ACSF2: variants seen among roughly 807,000 people sequenced by gnomAD.
The protein encoded by ACSF2 is acyl-CoA synthetase family member 2, also known as medium-chain acyl-CoA ligase ACSF2, mitochondrial.
A neutral mutation model predicts 79.3 loss-of-function variants in ACSF2; 52 were observed. That is an observed-to-expected ratio of 0.66 (90% CI 0.53 to 0.83). The LOEUF is 0.83. ACSF2 is among the 40% of genes least tolerant of loss of function. The pLI, the probability that ACSF2 is intolerant of heterozygous loss-of-function variation, is 0.00. For missense variants in ACSF2, 661 were observed against 803.3 expected (o/e 0.82, Z 2.14); for synonymous variants, 283 against 312.6 (o/e 0.91, Z 1.00).
In ACSF2 at chr17:50,468,136, C is replaced by A. The variant is rs139473046; in HGVS notation, c.1216-2892C>A. ...GGATGCTTTTCAGGGGGTTGTGGGA[C>A]AGCTTCAGCTCCTCCACCACCCGTA... is the stretch of plus-strand genomic sequence containing the variant. On this transcript the variant is annotated intron_variant, in intron 10 of 15. Coordinates refer to ENST00000300441, the MANE Select transcript of ACSF2 (RefSeq NM_025149.6). 33 of 1,614,004 alleles carry A rather than the reference C, an allele frequency of 2.0e-5. No individual in the cohort carries two copies. The Admixed American group carries it at 5.2e-4, about 25-fold the overall frequency.
chr17:50,465,419 G>A, intron 10 of ACSF2: 1 of 1,614,044 alleles, frequency 6.2e-7, no homozygotes, highest in Non-Finnish European at 8.5e-7. Flanking sequence ...ATCTGGGCGG[G>A]AGGCCTTGGC....
At chr17:50,468,889 G>T in intron 10 of ACSF2, 1 of 1,434,900 alleles carries the variant, frequency 7.0e-7, no homozygotes, top group Non-Finnish European at 9.1e-7. Flanking sequence ...CTAGGCGCTC[G>T]GGTCTGCCGC....
chr17:50,438,516 T>A (rs2030616344), intron 1 of ACSF2, among the ~76,000 whole-genome samples: 1 of 152,186 alleles, frequency 6.6e-6, no homozygotes, highest in Non-Finnish European at 1.5e-5. Flanking sequence ...CTGGGCTCAG[T>A]GGCAGTTTGC....
intron 1 of ACSF2, among the ~76,000 whole-genome samples, chr17:50,458,076 C>G (rs930419138): frequency 7.2e-5 from 11 of 152,170 alleles, no homozygotes; most frequent in African/African-American, 2.4e-4. Context: ...GAAAAACTGT[C>G]ACTTGGAGGA....
chr17:50,432,559 C>T (rs1000609863), intron 1 of ACSF2, among the ~76,000 whole-genome samples: 2 of 152,200 alleles, frequency 1.3e-5, no homozygotes, highest in South Asian at 4.1e-4. Context: ...GGCCAACATG[C>T]AGGCTGTAAT....
chr17:50,426,494 G>T (rs908648097), intron 1 of ACSF2, 105 bp downstream of exon 1: 5 of 1,245,662 alleles, frequency 4.0e-6, no homozygotes, highest in East Asian at 6.2e-5. Flanking sequence ...GAGTGCACTG[G>T]GGGGAAGGTA....
intron 10 of ACSF2, chr17:50,469,072 TG>T: frequency 8.0e-7 from 1 of 1,245,518 alleles, no homozygotes; most frequent in South Asian, 2.6e-5. Context: ...GGTGGGACCG[TG>T]GCCCCCGAGC....
intron 10 of ACSF2, 89 bp downstream of exon 10, chr17:50,464,383 G>A: frequency 7.6e-7 from 1 of 1,317,946 alleles, no homozygotes; most frequent in South Asian, 1.2e-5. Flanking sequence ...CAGGCCAGAT[G>A]TTCAAAGGAG....
In ACSF2 at chr17:50,462,206, T is replaced by TC. The variant is rs1567855547; in HGVS notation, c.534dup (p.Lys179GlnfsTer53). On this transcript the variant is annotated frameshift_variant, in exon 5 of 16. Coordinates refer to ENST00000300441, the MANE Select transcript of ACSF2 (RefSeq NM_025149.6). LOFTEE classifies it high-confidence loss of function. ...CAGGTGGGCTGCAAGGCCCTTGTGT[T>TC]CCCCAAGCAATTCAAGACCCAGCAA... 7 of 1,613,898 alleles carry TC rather than the reference T, an allele frequency of 4.3e-6. No homozygotes were observed. The East Asian group carries it at 1.3e-4, about 31-fold the overall frequency.
At position 50,471,146 on chromosome 17, in the gene ACSF2, G is replaced by A. The variant is rs748756138; in HGVS notation, c.1323+11G>A. 6.2e-7 allele frequency: 1 copy of A among 1,611,926 alleles called. No homozygotes were observed. Among genetic ancestry groups the A allele is most frequent in the Non-Finnish European group, 8.5e-7 (1 of 1,178,114 alleles). On this transcript the variant is annotated intron_variant, in intron 11 of 15. Coordinates refer to ENST00000300441, the MANE Select transcript of ACSF2 (RefSeq NM_025149.6). This position sits in a 1 kb window ranked among gnomAD's most constrained non-coding sequence, Gnocchi z 4.1. ...ATGCCTCACACGGAGGTGAGCCCCT[G>A]ACCAAGACTCCAAAGTCCCACCTCC...
chr17:50,457,544 G>A (rs2032087048), intron 1 of ACSF2, among the ~76,000 whole-genome samples: 1 of 152,236 alleles, frequency 6.6e-6, no homozygotes, highest in Non-Finnish European at 1.5e-5. Context: ...GGGAGAAGCA[G>A]GAGGAGCTGA....
rs148443172 is a variant in ACSF2, at chr17:50,466,696, G to A, written c.1215+2402G>A. On this transcript the variant is annotated intron_variant, in intron 10 of 15. Transcript: ENST00000300441. ...ACTGCTCCCCCACTGCCAGCCAGAC[G>A]CTATTTGTGAAGCCACCTTGGTGGA... Among the ~76,000 whole-genome samples, 330 of 152,336 alleles carry A rather than the reference G, an allele frequency of 2.2e-3. 5 individuals carry two copies. The highest frequency in any genetic ancestry group is 7.4e-3 in the African/African-American group (306 of 41,576).
chr17:50,427,000 G>A, intron 1 of ACSF2: 3 of 1,535,450 alleles, frequency 2.0e-6, no homozygotes, highest in Non-Finnish European at 1.7e-6. Flanking sequence ...CTGCCTTCCC[G>A]GTGTGACCAG....
At chr17:50,468,395 C>A in intron 10 of ACSF2, 1 of 1,614,094 alleles carries the variant, frequency 6.2e-7, no homozygotes, top group East Asian at 2.2e-5. Context: ...GAGCAACCCC[C>A]GGGGCAGCTC....
rs1439782784 is a variant in ACSF2 at position 50,474,155 on chromosome 17, G to A, written c.1729-44G>A. The A allele has an allele frequency of 1.9e-6, 3 of 1,612,066 alleles. No individual in the cohort carries two copies. The highest frequency in any genetic ancestry group is 2.5e-6 in the Non-Finnish European group (3 of 1,178,120). ...TGGTCCCCTACCCATACCCCTGTGA[G>A]CTTGCGCAGCCTCACGCCTTACCTC... On this transcript the variant is annotated intron_variant, in intron 14 of 15. Coordinates refer to ENST00000300441, the MANE Select transcript of ACSF2 (RefSeq NM_025149.6). The surrounding 1 kb of genome is among the most constrained non-coding windows in gnomAD (Gnocchi z 4.2).
In ACSF2 at chr17:50,471,022, C is replaced by T. The variant is rs1425352465; in HGVS notation, c.1216-6C>T. 2 of 1,612,674 alleles carry T rather than the reference C, an allele frequency of 1.2e-6. No homozygotes were observed. Among genetic ancestry groups the T allele is most frequent in the Non-Finnish European group, 1.7e-6 (2 of 1,178,828 alleles). On this transcript the variant is annotated splice_region_variant and splice_polypyrimidine_tract_variant and intron_variant, in intron 10 of 15. Transcript: ENST00000300441. This position sits in a 1 kb window ranked among gnomAD's most constrained non-coding sequence, Gnocchi z 4.1. ...CCTCTTCAAACACCCTTTCTGGACC[C>T]TCTAGGTTGCTTATGGAACCACAGA...
intron 1 of ACSF2, among the ~76,000 whole-genome samples, chr17:50,444,594 A>G (rs528816768): frequency 6.6e-6 from 1 of 151,662 alleles, no homozygotes; most frequent in South Asian, 2.1e-4. Context: ...AAAGGATCAG[A>G]GACTAGATAT....
At chr17:50,433,696 GTAGCCT>G (rs2030150655) in intron 1 of ACSF2, among the ~76,000 whole-genome samples, 1 of 152,068 alleles carries the variant, frequency 6.6e-6, no homozygotes, top group African/African-American at 2.4e-5. Context: ...ACGGCTCACT[GTAGCCT>G]TGACCTCCCA....
At chr17:50,464,770 G>C (rs1435300152) in intron 10 of ACSF2, 2 of 163,352 alleles carry the variant, frequency 1.2e-5, no homozygotes, top group Non-Finnish European at 1.2e-5. Flanking sequence ...TGATTGACTT[G>C]GGGGGGGGGT....
Sources: allele counts gnomAD v4.1 joint callset (sites outside exome capture counted in the v4.1 genomes callset), GRCh38; gene constraint gnomAD v4.1.1; non-coding constraint Gnocchi (gnomAD v3.1); transcripts MANE v1.5; gene names NCBI Gene and HGNC (gene_info 2026-07-23, HGNC 2026-07-21).